The following RARB variants were observed in gnomAD, a reference collection of about 807,000 sequenced individuals.
RARB encodes HBV-activated protein.
RARB carries 17 observed loss-of-function variants against 51.9 expected under a neutral mutation model. That is an observed-to-expected ratio of 0.33 (90% CI 0.22 to 0.49). The LOEUF is 0.49. Ranked by LOEUF, RARB falls within the 20% of genes least tolerant of loss-of-function variation. The probability of loss-of-function intolerance (pLI) is 0.99; values close to 1 mark genes in which losing one functional copy is unlikely to be tolerated. For missense variants in RARB, 369 were observed against 550.8 expected (o/e 0.67, Z 3.30); for synonymous variants, 215 against 195.4 (o/e 1.10, Z -0.84).
chr3:24,830,105 A>G (rs1435323567), intron 1 of RARB, among the ~76,000 whole-genome samples: 1 of 152,136 alleles, frequency 6.6e-6, no homozygotes, highest in Non-Finnish European at 1.5e-5. Context: ...CCAGGGACCG[A>G]GCCCTGGAGG....
intron 1 of RARB, among the ~76,000 whole-genome samples, chr3:25,440,776 C>A (rs566764832): frequency 7.9e-5 from 12 of 151,120 alleles, no homozygotes; most frequent in Non-Finnish European, 1.5e-4. Context: ...CCGTCCCCCC[C>A]AAAAATAAAA....
chr3:24,925,837 A>G (rs369407008), intron 2 of RARB, among the ~76,000 whole-genome samples: 1 of 151,940 alleles, frequency 6.6e-6, no homozygotes, highest in Non-Finnish European at 1.5e-5. Context: ...AAGTTATTCT[A>G]TAATCTCATC....
At chr3:25,416,410 T>C (rs1478177314) in intron 5 of RARB, among the ~76,000 whole-genome samples, 1 of 152,110 alleles carries the variant, frequency 6.6e-6, no homozygotes, top group Non-Finnish European at 1.5e-5. Flanking sequence ...AATATATAAC[T>C]GCAGAGGATT....
intron 2 of RARB, among the ~76,000 whole-genome samples, chr3:25,486,146 T>C (rs926913473): frequency 6.6e-6 from 1 of 152,200 alleles, no homozygotes; most frequent in Non-Finnish European, 1.5e-5. Flanking sequence ...TTTGGGAGAC[T>C]GGGCTTTCTT....
intron 2 of RARB, among the ~76,000 whole-genome samples, chr3:24,864,425 A>G (rs1435138174): frequency 6.6e-6 from 1 of 152,048 alleles, no homozygotes; most frequent in African/African-American, 2.4e-5. Context: ...CTTAGGCTCC[A>G]TGTGTTGCTG....
upstream of RARB, among the ~76,000 whole-genome samples, chr3:25,425,440 TTAAG>T (rs1468738975): frequency 6.6e-6 from 1 of 152,170 alleles, no homozygotes; most frequent in Admixed American, 6.5e-5. Flanking sequence ...AATACTTGGA[TTAAG>T]TAATAGCTCT....
chr3:24,961,337 A>G (rs1402968038), intron 2 of RARB, among the ~76,000 whole-genome samples: 1 of 152,226 alleles, frequency 6.6e-6, no homozygotes, highest in African/African-American at 2.4e-5. Context: ...ATATTGTGCA[A>G]TGAATAACTG....
rs548915932 is a variant in RARB, at chr3:25,464,433, T to C, written c.306+3092T>C. Among the ~76,000 whole-genome samples, 6 of 152,328 alleles carry C rather than the reference T, an allele frequency of 3.9e-5. No homozygotes were observed. In the South Asian group the frequency reaches 1.2e-3, roughly 32 times the overall value. ...ATACAGAGTCATATTATGGTGTATCTTTTTAACAGAGCTATAAACCCAATA... is the reference window on the plus strand; with the variant it reads ...ATACAGAGTCATATTATGGTGTATCCTTTTAACAGAGCTATAAACCCAATA... On this transcript the variant is annotated intron_variant, in intron 2 of 7. Transcript: ENST00000330688.
chr3:25,478,492 C>T (rs560719138), intron 2 of RARB, among the ~76,000 whole-genome samples: 1 of 152,302 alleles, frequency 6.6e-6, no homozygotes, highest in South Asian at 2.1e-4. Flanking sequence ...GGAACTGAGA[C>T]AGACTGAGGG....
At chr3:25,392,794 T>C (rs949640669) in intron 5 of RARB, among the ~76,000 whole-genome samples, 1 of 152,080 alleles carries the variant, frequency 6.6e-6, no homozygotes, top group Non-Finnish European at 1.5e-5. Flanking sequence ...TTTGGATGAG[T>C]CTTTAGGGTT....
At chr3:25,381,111 A>C (rs1706611362) in intron 5 of RARB, among the ~76,000 whole-genome samples, 1 of 152,178 alleles carries the variant, frequency 6.6e-6, no homozygotes, top group Admixed American at 6.5e-5. Context: ...TGAATCAAGG[A>C]TACTCCCAAA....
chr3:25,149,414 T>C (rs909945486), intron 4 of RARB, among the ~76,000 whole-genome samples: 6 of 152,236 alleles, frequency 3.9e-5, no homozygotes, highest in African/African-American at 1.2e-4. Context: ...AGAGCATATA[T>C]GCTAACCATA....
At chr3:25,288,076 C>T (rs1051506294) in intron 5 of RARB, among the ~76,000 whole-genome samples, 2 of 151,950 alleles carry the variant, frequency 1.3e-5, no homozygotes, top group Non-Finnish European at 1.5e-5. Flanking sequence ...TTTAAAGTAT[C>T]AAGCTTAGTA....
At chr3:25,376,372 T>A (rs940295774) in intron 5 of RARB, among the ~76,000 whole-genome samples, 1 of 152,194 alleles carries the variant, frequency 6.6e-6, no homozygotes, top group African/African-American at 2.4e-5. Flanking sequence ...CAAAATACTA[T>A]CTTTTGTTAA....
chr3:25,024,851 G>A (rs2125286778), intron 2 of RARB, among the ~76,000 whole-genome samples: 1 of 151,132 alleles, frequency 6.6e-6, no homozygotes, highest in South Asian at 2.1e-4. Context: ...TACTATGGAG[G>A]CTGAGGCAGG....
At chr3:25,367,817 C>CAAAAAAAAAAAAA (rs369165017) in intron 5 of RARB, among the ~76,000 whole-genome samples, 1 of 125,564 alleles carries the variant, frequency 8.0e-6, no homozygotes, top group Non-Finnish European at 1.6e-5. Flanking sequence ...AAAAAACAAG[C>CAAAAAAAAAAAAA]AAAAAAAAAA....
intron 5 of RARB, among the ~76,000 whole-genome samples, chr3:25,243,491 C>G (rs1380430371): frequency 6.6e-6 from 1 of 152,074 alleles, no homozygotes; most frequent in Non-Finnish European, 1.5e-5. Context: ...TCATTAATAC[C>G]TAGTTTATTG....
intron 2 of RARB, among the ~76,000 whole-genome samples, chr3:25,476,746 T>C (rs1319555968): frequency 2.0e-5 from 3 of 152,242 alleles, no homozygotes; most frequent in Non-Finnish European, 4.4e-5. Flanking sequence ...TTGTTGAGTC[T>C]TCCCTGGAGT....
At chr3:24,855,347 G>C (rs1274605862) in intron 1 of RARB, among the ~76,000 whole-genome samples, 1 of 152,160 alleles carries the variant, frequency 6.6e-6, no homozygotes, top group Non-Finnish European at 1.5e-5. Context: ...CAGTGAGTAG[G>C]CCACAGCAAT....
Sources: allele counts gnomAD v4.1 joint callset (sites outside exome capture counted in the v4.1 genomes callset), GRCh38; gene constraint gnomAD v4.1.1; transcripts MANE v1.5; gene names NCBI Gene and HGNC (gene_info 2026-07-23, HGNC 2026-07-21).